Variants in STARD6 observed in about 807,000 individuals in gnomAD.
STARD6 encodes the protein StAR related lipid transfer domain containing 6, also known as stAR-related lipid transfer protein 6.
STARD6 carries 21 observed loss-of-function variants against 22.3 expected under a neutral mutation model. The ratio of observed to expected loss-of-function variants is 0.94; its 90% CI spans 0.67 to 1.35. STARD6 has a LOEUF of 1.35. STARD6 is among the 40% of genes most tolerant of loss of function. The pLI is 0.00. For missense variants in STARD6, 269 were observed against 266.9 expected (o/e 1.01, Z -0.05); for synonymous variants, 80 against 88.1 (o/e 0.91, Z 0.52).
intron 4 of STARD6, among the ~76,000 whole-genome samples, chr18:54,353,623 G>A (rs2089117197): frequency 6.6e-6 from 1 of 152,218 alleles, no homozygotes; most frequent in African/African-American, 2.4e-5. Flanking sequence ...TTGTGCCACT[G>A]CACTCCAGCC....
intron 4 of STARD6, among the ~76,000 whole-genome samples, chr18:54,343,937 G>A (rs1225590571): frequency 2.0e-4 from 9 of 46,096 alleles, no homozygotes; most frequent in Admixed American, 1.2e-3. Flanking sequence ...CGCCCCGTCC[G>A]CGAGGGAGGT....
chr18:54,326,423 C>T (rs1205663790), intron 7 of STARD6, among the ~76,000 whole-genome samples: 3 of 151,496 alleles, frequency 2.0e-5, no homozygotes, highest in African/African-American at 7.3e-5. Flanking sequence ...GCCCCGCCTC[C>T]CGGGTTCAAA....
intron 4 of STARD6, among the ~76,000 whole-genome samples, chr18:54,344,801 A>C (rs1311690494): frequency 6.6e-6 from 1 of 152,176 alleles, no homozygotes; most frequent in Non-Finnish European, 1.5e-5. Flanking sequence ...CAACAAAACC[A>C]CATCATTTCA....
At chr18:54,338,291 T>A (rs1469936) in intron 4 of STARD6, among the ~76,000 whole-genome samples, 10,034 of 152,188 alleles carry the variant, frequency 0.066, 381 homozygotes, top group African/African-American at 0.087. Flanking sequence ...AAGCTACCAG[T>A]CCCTGGCTAA....
At chr18:54,346,892 G>T (rs1485438997) in intron 4 of STARD6, among the ~76,000 whole-genome samples, 1 of 152,052 alleles carries the variant, frequency 6.6e-6, no homozygotes, top group Non-Finnish European at 1.5e-5. Flanking sequence ...AGTCGCCTGG[G>T]GCTGGGGTGA....
intron 5 of STARD6, among the ~76,000 whole-genome samples, chr18:54,333,798 G>A (rs547552411): frequency 1.3e-5 from 2 of 152,204 alleles, no homozygotes; most frequent in Admixed American, 6.5e-5. Context: ...GCAGATATGT[G>A]GGATGTTTAT....
chr18:54,332,674 T>C (rs896829241), intron 5 of STARD6, among the ~76,000 whole-genome samples: 2 of 152,216 alleles, frequency 1.3e-5, no homozygotes, highest in African/African-American at 4.8e-5. Flanking sequence ...GTGGGTATTA[T>C]GTGTTTGGCC....
chr18:54,350,186 G>T (rs1182743557), intron 4 of STARD6, among the ~76,000 whole-genome samples: 2 of 152,116 alleles, frequency 1.3e-5, no homozygotes, highest in African/African-American at 4.8e-5. Context: ...TCTTGCAGGG[G>T]TAAGATGGTA....
intron 3 of STARD6, 180 bp downstream of exon 3, chr18:54,354,304 T>C (rs1445641149): frequency 6.1e-6 from 4 of 651,286 alleles, no homozygotes; most frequent in African/African-American, 1.8e-5. Context: ...TCATGGTGCA[T>C]GACAGCCTCA....
chr18:54,348,690 A>G (rs2089062214), intron 4 of STARD6, among the ~76,000 whole-genome samples: 1 of 152,192 alleles, frequency 6.6e-6, no homozygotes, highest in Non-Finnish European at 1.5e-5. Flanking sequence ...GTAGGACATT[A>G]CTGTTCACTG....
At chr18:54,357,106 C>G (rs1461902939) in intron 1 of STARD6, 1 of 152,224 alleles carries the variant, frequency 6.6e-6, no homozygotes, top group Non-Finnish European at 1.5e-5. Flanking sequence ...GACTCATGGT[C>G]AAGGATATCT....
rs945515402 is a variant in STARD6, at chr18:54,353,276, A to G, written c.140+778T>C. 5.5e-4 allele frequency among the ~76,000 whole-genome samples: 84 copies of G among 152,350 alleles called. No homozygotes were observed. The Middle Eastern group carries it at 0.01, about 19-fold the overall frequency. On this transcript the variant is annotated intron_variant, in intron 4 of 7. Coordinates refer to ENST00000307844, the MANE Select transcript of STARD6 (RefSeq NM_139171.2). ...ATGAACTCTGAAAGATTAAGCTAAA[A>G]AAAGTCAATATACTTTCCCTTAGTG...
chr18:54,341,354 C>T lies in STARD6; in HGVS notation c.141-4103G>A, dbSNP rs138944575. On this transcript the variant is annotated intron_variant, in intron 4 of 7. Coordinates refer to ENST00000307844, the MANE Select transcript of STARD6 (RefSeq NM_139171.2). ...GATTACAGGCGTGAGCCACCGTGCC[C>T]GGCCCACGTCATTTTCAATAATGAA... is the stretch of plus-strand genomic sequence containing the variant. Among the ~76,000 whole-genome samples, 256 of 152,248 alleles carry T rather than the reference C, an allele frequency of 1.7e-3. 1 individual carries two copies. The Middle Eastern group carries it at 0.02, about 12-fold the overall frequency.
At chr18:54,327,984 GTCCTGC>G (rs1382675077) in intron 7 of STARD6, among the ~76,000 whole-genome samples, 3 of 151,980 alleles carry the variant, frequency 2.0e-5, no homozygotes, top group Non-Finnish European at 4.4e-5. Context: ...ATCTTACACC[GTCCTGC>G]TCTGTCCCAC....
intron 4 of STARD6, among the ~76,000 whole-genome samples, chr18:54,345,646 A>T (rs2089026777): frequency 6.6e-6 from 1 of 152,162 alleles, no homozygotes; most frequent in Admixed American, 6.5e-5. Context: ...GAAAAACAGA[A>T]AAGTTGTAAG....
At chr18:54,338,576 T>G (rs747935856) in intron 4 of STARD6, among the ~76,000 whole-genome samples, 44 of 151,468 alleles carry the variant, frequency 2.9e-4, no homozygotes, top group Non-Finnish European at 4.6e-4. Context: ...AAACCCAGGA[T>G]GGGTGGATGG....
intron 4 of STARD6, among the ~76,000 whole-genome samples, chr18:54,346,249 G>A (rs192858441): frequency 1.3e-5 from 2 of 152,188 alleles, no homozygotes; most frequent in Admixed American, 1.3e-4. Context: ...TTAAAAAAGA[G>A]TTTGGATAAA....
At chr18:54,351,898 C>CTTTT (rs1568174614) in intron 4 of STARD6, among the ~76,000 whole-genome samples, 27 of 61,556 alleles carry the variant, frequency 4.4e-4, no homozygotes, top group African/African-American at 2.7e-3. Flanking sequence ...GATATTGGTC[C>CTTTT]GTTTTTTTTT....
intron 6 of STARD6, 131 bp downstream of exon 6, chr18:54,331,611 T>C (rs1009364782): frequency 9.0e-6 from 6 of 668,984 alleles, no homozygotes; most frequent in Non-Finnish European, 1.5e-5. Flanking sequence ...TACGTCTAAT[T>C]GTTGATCCCA....
Sources: gnomAD v4.1 joint callset for allele counts (sites outside exome capture counted in the v4.1 genomes callset) on GRCh38, gnomAD v4.1.1 for gene constraint, MANE v1.5 for transcripts, NCBI Gene and HGNC (gene_info 2026-07-23, HGNC 2026-07-21) for gene names.